NRG1: variants seen among roughly 807,000 people sequenced by gnomAD.
NRG1 encodes pro-neuregulin-1, membrane-bound isoform.
NRG1 carries 18 observed loss-of-function variants against 63.8 expected under a neutral mutation model. The observed-to-expected ratio is 0.28, with a 90% CI of 0.19 to 0.42. NRG1 has a LOEUF of 0.42. Among genes scored for constraint, NRG1 ranks in the 10% least tolerant of loss-of-function variants. The pLI is 1.00. For synonymous variants in NRG1, 302 were observed against 301.3 expected (o/e 1.00, Z -0.02); for missense variants, 762 against 814.7 (o/e 0.94, Z 0.79).
intron 1 of NRG1, among the ~76,000 whole-genome samples, chr8:31,932,708 A>G (rs1370358408): frequency 1.3e-5 from 2 of 152,190 alleles, no homozygotes; most frequent in Non-Finnish European, 2.9e-5. Flanking sequence ...CTCAGATAAA[A>G]CAAGACTCAT....
intron 1 of NRG1, among the ~76,000 whole-genome samples, chr8:31,769,449 T>C (rs1291163254): frequency 6.6e-6 from 1 of 152,210 alleles, no homozygotes; most frequent in African/African-American, 2.4e-5. Context: ...TCTTTCATTG[T>C]CAGCTACTAG....
chr8:31,868,936 G>A (rs1315011618), intron 1 of NRG1, among the ~76,000 whole-genome samples: 1 of 152,152 alleles, frequency 6.6e-6, no homozygotes, highest in Non-Finnish European at 1.5e-5. Context: ...CTAAAATCAG[G>A]ATCAGTTCAC....
chr8:32,242,518 T>C (rs573799914), intron 1 of NRG1, among the ~76,000 whole-genome samples: 4 of 152,242 alleles, frequency 2.6e-5, no homozygotes, highest in Non-Finnish European at 4.4e-5. Flanking sequence ...TCTAAAATAA[T>C]TAGTGCAGTG....
At chr8:32,450,631 G>A (rs1820835842) in intron 1 of NRG1, among the ~76,000 whole-genome samples, 1 of 152,142 alleles carries the variant, frequency 6.6e-6, no homozygotes, top group South Asian at 2.1e-4. Flanking sequence ...GCCCAGGCTG[G>A]TCTTGAACTC....
chr8:32,626,016 A>G (rs896666363), intron 5 of NRG1, among the ~76,000 whole-genome samples: 1 of 150,448 alleles, frequency 6.6e-6, no homozygotes, highest in Admixed American at 6.6e-5. Context: ...CTGGTCTTGA[A>G]CTCCTGACCT....
chr8:32,347,076 G>A lies in NRG1; in HGVS notation c.38-248752G>A, dbSNP rs191073513. On this transcript the variant is annotated intron_variant, in intron 1 of 10. Coordinates refer to the NRG1 transcript ENST00000519301. ...GATCTCCTGACCTCGTGATCCGCCC[G>A]CCTCAGCCTTCTAAAGTGCTGGGAT... Among the ~76,000 whole-genome samples the A allele has an allele frequency of 2.9e-3, 448 of 152,120 alleles. 2 individuals are homozygous for A. Among genetic ancestry groups the A allele is most frequent in the African/African-American group, 9.9e-3 (412 of 41,506 alleles).
At position 32,329,085 on chromosome 8, in the gene NRG1, C is replaced by CA. The variant is rs1802343401; in HGVS notation, c.38-266742dup. ...TCCAGCTCAAGCGATCCTCCCACCTCAGTTTCAAGTAGCTGGCACTATGGG... is the reference window on the plus strand; with the variant it reads ...TCCAGCTCAAGCGATCCTCCCACCTCAAGTTTCAAGTAGCTGGCACTATGGG... On this transcript the variant is annotated intron_variant, in intron 1 of 10. Coordinates refer to the NRG1 transcript ENST00000519301. 6.6e-5 allele frequency among the ~76,000 whole-genome samples: 10 copies of CA among 152,172 alleles called. 1 individual carries two copies. The South Asian group carries it at 2.1e-3, about 31-fold the overall frequency.
intron 1 of NRG1, among the ~76,000 whole-genome samples, chr8:32,300,316 A>G (rs531055218): frequency 6.6e-6 from 1 of 152,380 alleles, no homozygotes; most frequent in East Asian, 1.9e-4. Context: ...TGATTCTCAT[A>G]GAATTAGTAT....
intron 1 of NRG1, among the ~76,000 whole-genome samples, chr8:31,643,759 T>C (rs1003034562): frequency 4.6e-5 from 7 of 152,238 alleles, no homozygotes; most frequent in African/African-American, 1.4e-4. Context: ...TAAATCTCTA[T>C]TATTCAAACA....
At chr8:31,654,055 T>A (rs1001075081) in intron 1 of NRG1, among the ~76,000 whole-genome samples, 1 of 152,212 alleles carries the variant, frequency 6.6e-6, no homozygotes, top group Non-Finnish European at 1.5e-5. Flanking sequence ...TTAAATGTAT[T>A]GATAAGTAAT....
chr8:31,868,170 A>T (rs1829153577), intron 1 of NRG1, among the ~76,000 whole-genome samples: 1 of 151,114 alleles, frequency 6.6e-6, no homozygotes, highest in Non-Finnish European at 1.5e-5. Flanking sequence ...ACACACACAC[A>T]CACACACACA....
intron 1 of NRG1, among the ~76,000 whole-genome samples, chr8:31,981,849 A>C (rs1234595879): frequency 3.9e-5 from 6 of 152,058 alleles, no homozygotes; most frequent in African/African-American, 1.2e-4. Context: ...ATATGGTGAT[A>C]ATAGAGCCTA....
At chr8:32,001,237 G>A (rs899510072) in intron 1 of NRG1, among the ~76,000 whole-genome samples, 2 of 151,962 alleles carry the variant, frequency 1.3e-5, no homozygotes, top group Admixed American at 6.6e-5. Context: ...ATCATGGGAG[G>A]GACCCAGTGG....
chr8:31,946,263 A>G (rs1462738804), intron 1 of NRG1, among the ~76,000 whole-genome samples: 3 of 152,330 alleles, frequency 2.0e-5, no homozygotes, highest in Admixed American at 6.5e-5. Flanking sequence ...GTGTGTGCCC[A>G]TTCTGATTTC....
At chr8:32,606,716 T>C (rs1327326725) in intron 3 of NRG1, among the ~76,000 whole-genome samples, 1 of 152,166 alleles carries the variant, frequency 6.6e-6, no homozygotes, top group African/African-American at 2.4e-5. Context: ...AAATTTGTCA[T>C]CTGTTATATA....
chr8:32,151,148 G>T (rs1011847358), intron 1 of NRG1, among the ~76,000 whole-genome samples: 2 of 152,062 alleles, frequency 1.3e-5, no homozygotes, highest in Non-Finnish European at 2.9e-5. Context: ...GAGGGGCACC[G>T]GATTCATGTA....
chr8:31,655,957 A>T (rs747141803), intron 1 of NRG1, among the ~76,000 whole-genome samples: 1 of 152,184 alleles, frequency 6.6e-6, no homozygotes, highest in African/African-American at 2.4e-5. Context: ...ACTGCAGGAG[A>T]AGAAGCCCTT....
rs117129432 is a variant in NRG1 at position 32,258,471 on chromosome 8, A to T, written c.38-337357A>T. On this transcript the variant is annotated intron_variant, in intron 1 of 10. Transcript: ENST00000519301. ...TGAGCTTCTGTATTAGTCCATTTTC[A>T]CACTGCTATAAAGAACTTCCTAAGA... Among the ~76,000 whole-genome samples the T allele has an allele frequency of 3.2e-4, 48 of 152,270 alleles. 1 individual carries two copies. In the East Asian group the frequency reaches 8.9e-3, roughly 28 times the overall value.
At chr8:32,392,175 A>G (rs1399557764) in intron 1 of NRG1, among the ~76,000 whole-genome samples, 1 of 152,160 alleles carries the variant, frequency 6.6e-6, no homozygotes, top group African/African-American at 2.4e-5. Flanking sequence ...CTATGATTAG[A>G]TGCCACCAAT....
Sources: gnomAD v4.1 joint callset for allele counts (sites outside exome capture counted in the v4.1 genomes callset) on GRCh38, gnomAD v4.1.1 for gene constraint, MANE v1.5 for transcripts, NCBI Gene and HGNC (gene_info 2026-07-23, HGNC 2026-07-21) for gene names.